The following BBS9 variants were observed in gnomAD, a reference collection of about 807,000 sequenced individuals.
BBS9 encodes the protein Bardet-Biedl syndrome 9.
BBS9 carries 89 observed loss-of-function variants against 117.7 expected under a neutral mutation model. The observed-to-expected ratio is 0.76, with a 90% CI of 0.64 to 0.90. The LOEUF is 0.90. BBS9 is among the 40% of genes least tolerant of loss of function. The pLI is 0.00. For missense variants in BBS9, 982 were observed against 1,042.2 expected (o/e 0.94, Z 0.80); for synonymous variants, 379 against 370.9 (o/e 1.02, Z -0.25).
In BBS9 at chr7:33,265,109, G is replaced by T. The variant is rs532536186; in HGVS notation, c.702+735G>T. 2.1e-3 allele frequency among the ~76,000 whole-genome samples: 312 copies of T among 152,114 alleles called. 2 individuals are homozygous for T. Among genetic ancestry groups the T allele is most frequent in the South Asian group, 3.5e-3 (17 of 4,814 alleles). ...CTTGAGAACTTCCATAGACAGCAAG[G>T]CAAAAAATAGAAGGAACTAAAATTA... is the stretch of plus-strand genomic sequence containing the variant. On this transcript the variant is annotated intron_variant, in intron 7 of 22. Transcript: ENST00000242067.
chr7:33,571,767 CCT>C (rs1857836324), intron 21 of BBS9, among the ~76,000 whole-genome samples: 1 of 151,860 alleles, frequency 6.6e-6, no homozygotes, highest in South Asian at 2.1e-4. Context: ...CTAAAAGAAC[CCT>C]CTCTTTTTCA....
intron 1 of BBS9, among the ~76,000 whole-genome samples, chr7:33,134,358 C>G (rs925694954): frequency 6.6e-6 from 1 of 151,986 alleles, no homozygotes; most frequent in Non-Finnish European, 1.5e-5. Context: ...AGCCACTGCG[C>G]CTGGCCTTGA....
chr7:33,550,479 T>C (rs1287583427), intron 21 of BBS9, among the ~76,000 whole-genome samples: 1 of 152,318 alleles, frequency 6.6e-6, no homozygotes, highest in Admixed American at 6.5e-5. Flanking sequence ...CAATTTGGCC[T>C]ATTCCTCTGG....
At chr7:33,280,829 C>T (rs10486525) in intron 9 of BBS9, among the ~76,000 whole-genome samples, 17,029 of 149,778 alleles carry the variant, frequency 0.11, 1,131 homozygotes, top group African/African-American at 0.18. Flanking sequence ...TTCTTGAAAC[C>T]GAATTTATTA....
At chr7:33,238,964 C>G (rs1428196995) in intron 5 of BBS9, among the ~76,000 whole-genome samples, 1 of 152,068 alleles carries the variant, frequency 6.6e-6, no homozygotes, top group Non-Finnish European at 1.5e-5. Context: ...ATTTGAATCT[C>G]CATGAGTGTT....
intron 9 of BBS9, among the ~76,000 whole-genome samples, chr7:33,322,067 A>G (rs1811840693): frequency 6.6e-6 from 1 of 152,072 alleles, no homozygotes; most frequent in South Asian, 2.1e-4. Context: ...TCCTAGGGAT[A>G]TATCCCACTT....
At chr7:33,631,223 T>C (rs147261928) in intron 21 of BBS9, among the ~76,000 whole-genome samples, 2 of 152,252 alleles carry the variant, frequency 1.3e-5, no homozygotes, top group African/African-American at 4.8e-5. Flanking sequence ...CATGGCGAAC[T>C]GCACCGTTCC....
chr7:33,543,850 C>T (rs1852819666), intron 21 of BBS9, among the ~76,000 whole-genome samples: 1 of 152,096 alleles, frequency 6.6e-6, no homozygotes, highest in South Asian at 2.1e-4. Context: ...TAGGTTTGTT[C>T]ATTTTACATA....
chr7:33,360,732 C>T (rs756974850), intron 16 of BBS9, among the ~76,000 whole-genome samples: 8 of 151,830 alleles, frequency 5.3e-5, no homozygotes, highest in Non-Finnish European at 7.4e-5. Flanking sequence ...ACTGTGTTGC[C>T]CAGGCTGGTT....
At chr7:33,588,865 G>A (rs981364248) in intron 21 of BBS9, among the ~76,000 whole-genome samples, 1 of 152,102 alleles carries the variant, frequency 6.6e-6, no homozygotes, top group African/African-American at 2.4e-5. Flanking sequence ...TGTGTTCCAG[G>A]GACAGCAAAG....
chr7:33,428,413 A>G (rs1237239852), intron 19 of BBS9, among the ~76,000 whole-genome samples: 1 of 152,176 alleles, frequency 6.6e-6, no homozygotes, highest in Non-Finnish European at 1.5e-5. Context: ...GATAAAATGG[A>G]TTACTGCACA....
At chr7:33,602,861 C>T (rs897380366) in intron 21 of BBS9, among the ~76,000 whole-genome samples, 6 of 152,136 alleles carry the variant, frequency 3.9e-5, no homozygotes, top group African/African-American at 1.4e-4. Context: ...AAGGTTAGAG[C>T]ACCAGGGCAG....
chr7:33,598,193 A>G (rs2700680), intron 21 of BBS9, among the ~76,000 whole-genome samples: 51,761 of 151,344 alleles, frequency 0.34, 11,946 homozygotes, highest in African/African-American at 0.65. Flanking sequence ...AACTCCTGGA[A>G]ACAATTGTAA....
intron 21 of BBS9, among the ~76,000 whole-genome samples, chr7:33,597,706 C>G (rs560618681): frequency 1.3e-5 from 2 of 152,100 alleles, no homozygotes; most frequent in South Asian, 2.1e-4. Context: ...TGAGAAAGCC[C>G]TGGTGCGATA....
intron 19 of BBS9, among the ~76,000 whole-genome samples, chr7:33,402,887 C>T (rs1333829068): frequency 6.6e-6 from 1 of 151,738 alleles, no homozygotes; most frequent in Non-Finnish European, 1.5e-5. Flanking sequence ...TCTGTTGTTC[C>T]TAACTTTATG....
chr7:33,394,179 G>C (rs1827558325), intron 19 of BBS9, among the ~76,000 whole-genome samples: 1 of 152,086 alleles, frequency 6.6e-6, no homozygotes, highest in South Asian at 2.1e-4. Context: ...TTTTTCAGTT[G>C]TCCACCACAG....
At chr7:33,295,673 A>C (rs1805110123) in intron 9 of BBS9, among the ~76,000 whole-genome samples, 1 of 152,052 alleles carries the variant, frequency 6.6e-6, no homozygotes, top group African/African-American at 2.4e-5. Context: ...ATGAGAACTT[A>C]AGATACGGTT....
intron 9 of BBS9, among the ~76,000 whole-genome samples, chr7:33,317,095 A>G (rs527829673): frequency 2.0e-5 from 3 of 152,264 alleles, no homozygotes; most frequent in Admixed American, 1.3e-4. Flanking sequence ...CTCCAACACT[A>G]TTTATTGAAA....
In BBS9 at chr7:33,586,429, G is replaced by C. The variant is rs149515180; in HGVS notation, c.2522-18436G>C. Among the ~76,000 whole-genome samples, 11 of 151,998 alleles carry C rather than the reference G, an allele frequency of 7.2e-5. No individual in the cohort carries two copies. In the East Asian group the frequency reaches 1.7e-3, roughly 24 times the overall value. On this transcript the variant is annotated intron_variant, in intron 21 of 22. Coordinates refer to ENST00000242067, the MANE Select transcript of BBS9 (RefSeq NM_198428.3). ...GGTGAGGCCACAGAGAAAAGGGAAT[G>C]CTTATATACTGTAGGTAGGAATGTG... is the stretch of plus-strand genomic sequence containing the variant.
Sources: allele counts gnomAD v4.1 joint callset (sites outside exome capture counted in the v4.1 genomes callset), GRCh38; gene constraint gnomAD v4.1.1; transcripts MANE v1.5; gene names NCBI Gene and HGNC (gene_info 2026-07-23, HGNC 2026-07-21).